The following WWOX variants were observed in gnomAD, a reference collection of about 807,000 sequenced individuals.
The protein encoded by WWOX is WW domain containing oxidoreductase.
WWOX carries 69 observed loss-of-function variants against 46.2 expected under a neutral mutation model. The observed-to-expected ratio is 1.49, with a 90% CI of 1.23 to 1.82. The LOEUF (loss-of-function observed/expected upper bound fraction) is 1.82, where lower values mean the gene tolerates loss of function less well. WWOX is among the 40% of genes most tolerant of loss of function. WWOX has a pLI of 0.00. For synonymous variants in WWOX, 359 were observed against 202.6 expected, an observed-to-expected ratio of 1.77 and a Z score of -6.56; for missense variants, 919 against 542.6, an observed-to-expected ratio of 1.69 and a Z score of -6.89.
intron 8 of WWOX, among the ~76,000 whole-genome samples, chr16:78,712,230 G>A (rs967027192): frequency 2.0e-5 from 3 of 152,108 alleles, no homozygotes; most frequent in East Asian, 1.9e-4. Context: ...TTGGCTGGGC[G>A]CGGTGGCTCA....
At chr16:78,597,845 C>T (rs1364021531) in intron 8 of WWOX, among the ~76,000 whole-genome samples, 2 of 149,596 alleles carry the variant, frequency 1.3e-5, no homozygotes, top group East Asian at 3.9e-4. Context: ...TTTTTAAATT[C>T]AGAAATTTCT....
At chr16:78,988,442 A>T (rs1033426338) in intron 8 of WWOX, among the ~76,000 whole-genome samples, 1 of 151,976 alleles carries the variant, frequency 6.6e-6, no homozygotes, top group African/African-American at 2.4e-5. Context: ...GAGGGAGCAG[A>T]TACTGGAGAC....
intron 5 of WWOX, among the ~76,000 whole-genome samples, chr16:78,309,277 T>C (rs1444737265): frequency 1.3e-5 from 2 of 152,340 alleles, no homozygotes; most frequent in East Asian, 3.9e-4. Flanking sequence ...TTCTCTGCGT[T>C]CATTCTGCTT....
At chr16:78,804,299 A>T (rs377074043) in intron 8 of WWOX, among the ~76,000 whole-genome samples, 1 of 152,054 alleles carries the variant, frequency 6.6e-6, no homozygotes, top group Non-Finnish European at 1.5e-5. Flanking sequence ...CCTCAATTTC[A>T]TTGAGATGGG....
intron 5 of WWOX, among the ~76,000 whole-genome samples, chr16:78,216,853 T>A (rs1424002591): frequency 1.3e-5 from 2 of 152,160 alleles, no homozygotes; most frequent in Non-Finnish European, 2.9e-5. Flanking sequence ...TGCCTCAGCC[T>A]CCTGAGTACC....
intron 8 of WWOX, among the ~76,000 whole-genome samples, chr16:78,916,002 G>T (rs1467993006): frequency 6.6e-6 from 1 of 152,146 alleles, no homozygotes; most frequent in African/African-American, 2.4e-5. Flanking sequence ...CCCACCTATT[G>T]TTTTGAACTC....
intron 8 of WWOX, chr16:79,090,051 G>A (rs998732268): frequency 6.6e-6 from 1 of 152,324 alleles, no homozygotes; most frequent in Non-Finnish European, 1.5e-5. Context: ...GCTGTTTTCA[G>A]TATGCTCATG....
chr16:79,086,509 A>G (rs2048856544), intron 8 of WWOX, among the ~76,000 whole-genome samples: 1 of 152,220 alleles, frequency 6.6e-6, no homozygotes, highest in African/African-American at 2.4e-5. Flanking sequence ...TTGTCAGTAC[A>G]GTACTATCCA....
At chr16:79,160,955 A>G (rs2050475362) in intron 8 of WWOX, among the ~76,000 whole-genome samples, 1 of 152,224 alleles carries the variant, frequency 6.6e-6, no homozygotes, top group Admixed American at 6.5e-5. Context: ...TACATGCTAT[A>G]TATAATGTAG....
chr16:78,763,711 G>A (rs962716151), intron 8 of WWOX, among the ~76,000 whole-genome samples: 9 of 152,102 alleles, frequency 5.9e-5, no homozygotes, highest in Non-Finnish European at 1.3e-4. Flanking sequence ...GTTGTTATTT[G>A]GTATTCACGA....
At chr16:78,911,709 T>C (rs535409599) in intron 8 of WWOX, among the ~76,000 whole-genome samples, 57 of 151,818 alleles carry the variant, frequency 3.8e-4, no homozygotes, top group Non-Finnish European at 7.1e-4. Flanking sequence ...CTACTAAAAG[T>C]ACAAAAATTA....
chr16:78,919,678 T>A (rs1302870669), intron 8 of WWOX, among the ~76,000 whole-genome samples: 1 of 151,966 alleles, frequency 6.6e-6, no homozygotes. Context: ...CCACCACACC[T>A]GGCTAATTTT....
intron 8 of WWOX, among the ~76,000 whole-genome samples, chr16:78,910,162 T>A (rs1361533862): frequency 6.7e-6 from 1 of 150,184 alleles, no homozygotes; most frequent in Non-Finnish European, 1.5e-5. Flanking sequence ...TTTTTCTCCC[T>A]TTTTGGTCAG....
intron 5 of WWOX, among the ~76,000 whole-genome samples, chr16:78,296,497 C>CAT (rs941412522): frequency 2.7e-5 from 4 of 150,540 alleles, no homozygotes; most frequent in South Asian, 4.2e-4. Context: ...ACCAGGAATT[C>CAT]ATATATATAT....
At chr16:79,204,675 C>G (rs1206626803) in intron 8 of WWOX, 4 of 152,276 alleles carry the variant, frequency 2.6e-5, no homozygotes, top group African/African-American at 9.6e-5. Flanking sequence ...CAAGGTCACC[C>G]TGCCCTTCAA....
chr16:79,040,990 T>A (rs1037619381), intron 8 of WWOX, among the ~76,000 whole-genome samples: 1 of 151,950 alleles, frequency 6.6e-6, no homozygotes, highest in African/African-American at 2.4e-5. Flanking sequence ...AAATCCCTAG[T>A]TACTAGCAGA....
chr16:78,276,857 C>A (rs904715901), intron 5 of WWOX, among the ~76,000 whole-genome samples: 6 of 152,162 alleles, frequency 3.9e-5, no homozygotes, highest in Non-Finnish European at 8.8e-5. Context: ...TTTTTCTTTG[C>A]ATCTCCGAAC....
chr16:78,848,751 A>T (rs1012426570), intron 8 of WWOX, among the ~76,000 whole-genome samples: 3 of 152,110 alleles, frequency 2.0e-5, no homozygotes, highest in Non-Finnish European at 4.4e-5. Flanking sequence ...CCAGTTCTCA[A>T]TGCCATACAT....
At chr16:79,052,978 G>C (rs1323851093) in intron 8 of WWOX, among the ~76,000 whole-genome samples, 3 of 150,346 alleles carry the variant, frequency 2.0e-5, no homozygotes, top group Non-Finnish European at 4.4e-5. Flanking sequence ...GGGTTGGGAT[G>C]GGGGGGTGGG....
Sources: gnomAD v4.1 joint callset for allele counts (sites outside exome capture counted in the v4.1 genomes callset) on GRCh38, gnomAD v4.1.1 for gene constraint, MANE v1.5 for transcripts, NCBI Gene and HGNC (gene_info 2026-07-23, HGNC 2026-07-21) for gene names.